The following COL5A2 variants were observed in gnomAD, a reference collection of about 807,000 sequenced individuals.
The protein encoded by COL5A2 is collagen alpha-2(V) chain.
In COL5A2, 23 loss-of-function variants were observed where a neutral mutation model predicts 208.2. The observed-to-expected ratio is 0.11, with a 90% CI of 0.08 to 0.16. The LOEUF (loss-of-function observed/expected upper bound fraction) is 0.16. COL5A2 is among the 10% of genes least tolerant of loss of function. The pLI, the probability that COL5A2 is intolerant of heterozygous loss-of-function variation, is 1.00. For missense variants in COL5A2, 1,590 were observed against 1,956.4 expected, an observed-to-expected ratio of 0.81 and a Z score of 3.53; for synonymous variants, 625 against 628.5, an observed-to-expected ratio of 0.99 and a Z score of 0.08.
intron 12 of COL5A2, among the ~76,000 whole-genome samples, chr2:189,082,477 T>G (rs185607083): frequency 6.6e-6 from 1 of 152,200 alleles, no homozygotes; most frequent in East Asian, 1.9e-4. Context: ...TTACAGAGAT[T>G]TGTCTCCTCT....
At chr2:189,090,236 A>G (rs747715741) in intron 7 of COL5A2, among the ~76,000 whole-genome samples, 3 of 152,230 alleles carry the variant, frequency 2.0e-5, no homozygotes, top group Non-Finnish European at 4.4e-5. Context: ...AGATCAAACC[A>G]ACCACAACAT....
chr2:189,388,703 G>A, the COL5A2 span, among the ~76,000 whole-genome samples: 1 of 152,166 alleles, frequency 6.6e-6, no homozygotes, highest in Non-Finnish European at 1.5e-5. Flanking sequence ...GGAGCCTAAT[G>A]TATTCACAAA....
intron 47 of COL5A2, among the ~76,000 whole-genome samples, chr2:189,044,663 G>A (rs536903911): frequency 3.1e-4 from 47 of 152,010 alleles, no homozygotes; most frequent in Non-Finnish European, 5.0e-4. Context: ...TTACCTGATG[G>A]GCATGAAAAG....
chr2:189,077,058 C>A (rs7424585), intron 16 of COL5A2, among the ~76,000 whole-genome samples: 22,641 of 151,944 alleles, frequency 0.15, 1,669 homozygotes, highest in Middle Eastern at 0.2. Flanking sequence ...AGAGTAAGAC[C>A]CTGTCCTCAA....
chr2:189,170,593 A>C (rs957448432), intron 1 of COL5A2, among the ~76,000 whole-genome samples: 24 of 152,310 alleles, frequency 1.6e-4, no homozygotes, highest in Middle Eastern at 3.4e-3. Flanking sequence ...GGGAACAGTA[A>C]AAAGTTAGAT....
chr2:189,247,118 T>C, the COL5A2 span, among the ~76,000 whole-genome samples: 574 of 152,156 alleles, frequency 3.8e-3, 17 homozygotes, highest in East Asian at 0.038. Flanking sequence ...ACAGGTAGAA[T>C]GGTGATGAGG....
At chr2:189,370,238 T>C in the COL5A2 span, among the ~76,000 whole-genome samples, 11 of 152,166 alleles carry the variant, frequency 7.2e-5, no homozygotes, top group Non-Finnish European at 1.3e-4. Flanking sequence ...GTCTAAGAAA[T>C]GCATTTCAAA....
chr2:189,315,066 T>G, the COL5A2 span, among the ~76,000 whole-genome samples: 1 of 152,050 alleles, frequency 6.6e-6, no homozygotes, highest in Non-Finnish European at 1.5e-5. Flanking sequence ...AAGGACTCCT[T>G]CCAAACTCAT....
At chr2:189,180,057 C>A (rs1688754423), upstream of COL5A2, among the ~76,000 whole-genome samples, 1 of 152,078 alleles carries the variant, frequency 6.6e-6, no homozygotes, top group Admixed American at 6.5e-5. Flanking sequence ...CCCTCCCTAA[C>A]CCTTCCCCCC....
chr2:189,398,884 TAG>T, the COL5A2 span, among the ~76,000 whole-genome samples: 1 of 152,222 alleles, frequency 6.6e-6, no homozygotes, highest in Non-Finnish European at 1.5e-5. Flanking sequence ...TTTTTACTAC[TAG>T]AGGTTATTCT....
In COL5A2 at chr2:189,068,006, G is replaced by A; in HGVS notation, c.1401+9C>T. 6.2e-7 allele frequency: 1 copy of A among 1,607,506 alleles called. No homozygotes were observed. The highest frequency in any genetic ancestry group is 8.5e-7 in the Non-Finnish European group (1 of 1,174,062). On this transcript the variant is annotated intron_variant, in intron 21 of 53. Transcript: ENST00000374866. ...ACTAAAGGATGATAGTTCTTTCAAA[G>A]GTCATTACCGGTTGGCCTCGAATTC...
the COL5A2 span, among the ~76,000 whole-genome samples, chr2:189,364,297 T>C: frequency 1.3e-5 from 2 of 152,170 alleles, no homozygotes; most frequent in Admixed American, 6.5e-5. Context: ...AGAAATTATT[T>C]TGATTAACTA....
chr2:189,348,515 G>A, the COL5A2 span, among the ~76,000 whole-genome samples: 1 of 152,128 alleles, frequency 6.6e-6, no homozygotes, highest in East Asian at 1.9e-4. Flanking sequence ...TCAGCTGATG[G>A]AGAACTGAAG....
chr2:189,278,144 A>G, the COL5A2 span, among the ~76,000 whole-genome samples: 1 of 152,202 alleles, frequency 6.6e-6, no homozygotes, highest in East Asian at 1.9e-4. Flanking sequence ...CTAAATCACA[A>G]TCTGATAGTG....
the COL5A2 span, among the ~76,000 whole-genome samples, chr2:189,326,612 G>A: frequency 6.6e-6 from 1 of 151,958 alleles, no homozygotes; most frequent in Non-Finnish European, 1.5e-5. Flanking sequence ...AGGATCACTT[G>A]AGCCCAGACA....
intron 42 of COL5A2, 92 bp downstream of exon 42, chr2:189,051,228 T>C: frequency 2.6e-6 from 4 of 1,532,876 alleles, no homozygotes; most frequent in Non-Finnish European, 1.8e-6. Context: ...CCCAGCATAA[T>C]ATTTAAGCAT....
At chr2:189,254,776 T>G in the COL5A2 span, among the ~76,000 whole-genome samples, 2 of 152,210 alleles carry the variant, frequency 1.3e-5, no homozygotes, top group Admixed American at 1.3e-4. Flanking sequence ...TGTTGAGGCA[T>G]GCCAGGAAAA....
At chr2:189,331,569 T>G in the COL5A2 span, among the ~76,000 whole-genome samples, 3 of 152,284 alleles carry the variant, frequency 2.0e-5, no homozygotes, top group Non-Finnish European at 1.5e-5. Context: ...CACAAGCTCT[T>G]TCTTTGCCTA....
At chr2:189,258,676 T>G in the COL5A2 span, among the ~76,000 whole-genome samples, 3 of 152,218 alleles carry the variant, frequency 2.0e-5, no homozygotes, top group African/African-American at 7.2e-5. Flanking sequence ...CTTGTAATGT[T>G]AGAAGAGTTC....
Sources: gnomAD v4.1 joint callset for allele counts (sites outside exome capture counted in the v4.1 genomes callset) on GRCh38, gnomAD v4.1.1 for gene constraint, MANE v1.5 for transcripts, NCBI Gene and HGNC (gene_info 2026-07-23, HGNC 2026-07-21) for gene names.